Variants in BAIAP2L1 observed in about 807,000 individuals in gnomAD.
BAIAP2L1 encodes the protein BAR/IMD domain-containing adapter protein 2-like 1.
Under a neutral mutation model 66.3 loss-of-function variants are expected in BAIAP2L1, and 35 were observed. The observed-to-expected ratio is 0.53, with a 90% CI of 0.40 to 0.70. The LOEUF is 0.70. BAIAP2L1 is among the 30% of genes least tolerant of loss of function. The pLI, the probability that BAIAP2L1 is intolerant of heterozygous loss-of-function variation, is 0.00. For synonymous variants in BAIAP2L1, 269 were observed against 248.7 expected, an observed-to-expected ratio of 1.08 and a Z score of -0.77; for missense variants, 622 against 656.9, an observed-to-expected ratio of 0.95 and a Z score of 0.58.
intron 1 of BAIAP2L1, among the ~76,000 whole-genome samples, chr7:98,395,597 T>G (rs1169112790): frequency 6.6e-6 from 1 of 152,182 alleles, no homozygotes; most frequent in Non-Finnish European, 1.5e-5. Context: ...GTGAGCTATG[T>G]ATACTTAAGC....
intron 3 of BAIAP2L1, among the ~76,000 whole-genome samples, chr7:98,322,013 T>C (rs1801262038): frequency 6.6e-6 from 1 of 152,074 alleles, no homozygotes; most frequent in Admixed American, 6.6e-5. Flanking sequence ...GGAGAACTGC[T>C]TGAACCTGGG....
chr7:98,326,152 C>T (rs937414946), intron 3 of BAIAP2L1, among the ~76,000 whole-genome samples: 2 of 152,152 alleles, frequency 1.3e-5, no homozygotes, highest in East Asian at 3.9e-4. Flanking sequence ...TGGTGTGTGC[C>T]TGTGGTCCCA....
intron 1 of BAIAP2L1, among the ~76,000 whole-genome samples, chr7:98,393,009 G>GTA (rs767798428): frequency 4.5e-4 from 66 of 145,550 alleles, no homozygotes; most frequent in Non-Finnish European, 6.6e-4. Context: ...TAATTTTTGT[G>GTA]TATATATATA....
intron 3 of BAIAP2L1, among the ~76,000 whole-genome samples, chr7:98,349,443 T>C (rs927828129): frequency 1.3e-5 from 2 of 152,144 alleles, no homozygotes; most frequent in Non-Finnish European, 2.9e-5. Context: ...ATTTCCACTA[T>C]CCTTACCCCG....
At chr7:98,394,254 C>CAAACAAACAAAA (rs1562796510) in intron 1 of BAIAP2L1, among the ~76,000 whole-genome samples, 1 of 151,690 alleles carries the variant, frequency 6.6e-6, no homozygotes, top group African/African-American at 2.4e-5. Flanking sequence ...AACAAACAAA[C>CAAACAAACAAAA]AAACAAAAAA....
intron 3 of BAIAP2L1, among the ~76,000 whole-genome samples, chr7:98,326,884 TTAAC>T (rs1233680763): frequency 1.3e-4 from 20 of 151,834 alleles, no homozygotes; most frequent in African/African-American, 2.9e-4. Context: ...AAAAAAAAAA[TTAAC>T]TACACAGTGT....
chr7:98,331,392 A>G (rs1302624927), intron 3 of BAIAP2L1, among the ~76,000 whole-genome samples: 1 of 151,962 alleles, frequency 6.6e-6, no homozygotes, highest in East Asian at 1.9e-4. Context: ...CAGAGAACAC[A>G]GGACAGGATA....
At chr7:98,319,189 G>A (rs755004615) in intron 5 of BAIAP2L1, among the ~76,000 whole-genome samples, 13 of 152,176 alleles carry the variant, frequency 8.5e-5, no homozygotes, top group Non-Finnish European at 1.5e-4. Context: ...AGGGGACTTT[G>A]GGTGGCAGGA....
chr7:98,390,444 T>TAA (rs1178817327), intron 1 of BAIAP2L1, among the ~76,000 whole-genome samples: 23 of 151,604 alleles, frequency 1.5e-4, no homozygotes, highest in African/African-American at 5.1e-4. Context: ...AAAATATAAA[T>TAA]ATGGCCGGGT....
intron 2 of BAIAP2L1, among the ~76,000 whole-genome samples, chr7:98,359,748 T>G (rs1054639954): frequency 9.6e-5 from 14 of 145,992 alleles, no homozygotes; most frequent in African/African-American, 2.7e-4. Flanking sequence ...GACCTGGGTT[T>G]TTTTTTTTTT....
intron 3 of BAIAP2L1, among the ~76,000 whole-genome samples, chr7:98,327,745 C>T (rs777395515): frequency 6.6e-5 from 10 of 151,962 alleles, no homozygotes; most frequent in African/African-American, 2.4e-4. Context: ...GATGTGGGTT[C>T]GTGCCTGTGC....
intron 1 of BAIAP2L1, among the ~76,000 whole-genome samples, chr7:98,384,295 C>G (rs1032143121): frequency 4.6e-5 from 7 of 152,080 alleles, no homozygotes; most frequent in Non-Finnish European, 8.8e-5. Flanking sequence ...ATTACGTTAT[C>G]ATTTAGAAAT....
At chr7:98,304,768 T>A (rs1274624742) in intron 11 of BAIAP2L1, among the ~76,000 whole-genome samples, 2 of 151,998 alleles carry the variant, frequency 1.3e-5, no homozygotes, top group African/African-American at 4.8e-5. Context: ...AGGCTGGTCT[T>A]GAACTCCTGA....
intron 1 of BAIAP2L1, among the ~76,000 whole-genome samples, chr7:98,397,384 G>A (rs1455551141): frequency 6.9e-6 from 1 of 145,342 alleles, no homozygotes; most frequent in East Asian, 2.1e-4. Flanking sequence ...GAGTGCAGTG[G>A]CGCCATCTTG....
At chr7:98,352,643 AAAAAAC>A (rs1451519690) in intron 3 of BAIAP2L1, among the ~76,000 whole-genome samples, 3 of 152,194 alleles carry the variant, frequency 2.0e-5, no homozygotes, top group African/African-American at 7.2e-5. Context: ...TTCCGTCTCA[AAAAAAC>A]AAAAACAAAA....
Position 98,292,480 on chromosome 7 carries a change from A to T in BAIAP2L1, c.*1041T>A, listed in dbSNP as rs1303380962. On this transcript the variant is annotated 3_prime_UTR_variant, in exon 14 of 14. Transcript: ENST00000005260. ...CTGGGCCGGGCTGGGAATTTTAACC[A>T]TGACTCTCCACTCCAAAATAGGTCC... The T allele has an allele frequency of 1.1e-5, 8 of 703,026 alleles. No individual in the cohort carries two copies. Among genetic ancestry groups the T allele is most frequent in the South Asian group, 7.9e-5 (4 of 50,870 alleles). The allele number at this position is 703,026 out of a possible 1,614,324, so 43.5% of individuals were successfully genotyped here.
intron 1 of BAIAP2L1, among the ~76,000 whole-genome samples, chr7:98,372,572 T>A (rs1433200600): frequency 6.6e-6 from 1 of 152,128 alleles, no homozygotes; most frequent in African/African-American, 2.4e-5. Context: ...TTGTAACGTA[T>A]GTATCCTTGA....
intron 5 of BAIAP2L1, among the ~76,000 whole-genome samples, chr7:98,317,979 G>T (rs1801130019): frequency 6.7e-6 from 1 of 150,032 alleles, no homozygotes; most frequent in Non-Finnish European, 1.5e-5. Context: ...CCTTACGCTG[G>T]CTGGGACCCT....
At position 98,320,087 on chromosome 7, in the gene BAIAP2L1, T is replaced by C. The variant is rs765878797; in HGVS notation, c.319A>G (p.Lys107Glu). ...ATATATTTCACGTCAAGTTCTATCTTCTTCTCCAGCTCATGGATAATCTCT... is the reference window on the plus strand; with the variant it reads ...ATATATTTCACGTCAAGTTCTATCTCCTTCTCCAGCTCATGGATAATCTCT... ...HKEIIHELEKKIELDVKYMNA... is the reference protein window; with the variant it reads ...HKEIIHELEKEIELDVKYMNA... The change falls in exon 5 of 14, where the codon AAG becomes GAG. Residue 107 changes from lysine (K) to glutamate (E), a missense_variant. Coordinates refer to ENST00000005260, the MANE Select transcript of BAIAP2L1 (RefSeq NM_018842.5). 1 of 1,613,786 alleles carries C rather than the reference T, an allele frequency of 6.2e-7. No homozygotes were observed. The highest frequency in any genetic ancestry group is 1.1e-5 in the South Asian group (1 of 90,992).
Sources: allele counts gnomAD v4.1 joint callset (sites outside exome capture counted in the v4.1 genomes callset), GRCh38; gene constraint gnomAD v4.1.1; transcripts MANE v1.5; gene names NCBI Gene and HGNC (gene_info 2026-07-23, HGNC 2026-07-21).